SLC25A21: variants seen among roughly 807,000 people sequenced by gnomAD.
The protein encoded by SLC25A21 is solute carrier family 25 member 21, also known as mitochondrial 2-oxodicarboxylate carrier.
SLC25A21 carries 47 observed loss-of-function variants against 43.8 expected under a neutral mutation model. That is an observed-to-expected ratio of 1.07 (90% CI 0.85 to 1.37). SLC25A21 has a LOEUF of 1.37. Among genes scored for constraint, SLC25A21 ranks in the 40% most tolerant of loss-of-function variants. SLC25A21 has a pLI of 0.00. For missense variants in SLC25A21, 352 were observed against 350.2 expected, an observed-to-expected ratio of 1.00 and a Z score of -0.04; for synonymous variants, 131 against 121.3, an observed-to-expected ratio of 1.08 and a Z score of -0.52.
intron 1 of SLC25A21, among the ~76,000 whole-genome samples, chr14:37,044,573 C>T (rs1961547858): frequency 6.6e-6 from 1 of 152,078 alleles, no homozygotes; most frequent in African/African-American, 2.4e-5. Flanking sequence ...GAACTTCTGC[C>T]CCTCCTATAG....
chr14:36,853,001 A>G (rs945916009), intron 2 of SLC25A21, among the ~76,000 whole-genome samples: 25 of 130,976 alleles, frequency 1.9e-4, no homozygotes. Flanking sequence ...AAGTTGTGAC[A>G]TTACATTCTT....
intron 1 of SLC25A21, among the ~76,000 whole-genome samples, chr14:37,156,641 C>T (rs1317572613): frequency 6.6e-6 from 1 of 151,148 alleles, no homozygotes; most frequent in East Asian, 1.9e-4. Context: ...ATTATATCAG[C>T]TAAAACAGGC....
Position 37,067,376 on chromosome 14 carries a change from A to G in SLC25A21, c.70+104905T>C, listed in dbSNP as rs117491866. Among the ~76,000 whole-genome samples, 5 of 152,336 alleles carry G rather than the reference A, an allele frequency of 3.3e-5. No individual in the cohort carries two copies. The East Asian group carries it at 9.6e-4, about 29-fold the overall frequency. ...TTCACAAAAACAACAGCAAAAGCCA[A>G]AAGATGCTGTGAAATTATATACATA... On this transcript the variant is annotated intron_variant, in intron 1 of 9. Coordinates refer to ENST00000331299, the MANE Select transcript of SLC25A21 (RefSeq NM_030631.4).
intron 1 of SLC25A21, among the ~76,000 whole-genome samples, chr14:37,005,516 A>G (rs1960583217): frequency 2.0e-5 from 3 of 152,230 alleles, no homozygotes; most frequent in South Asian, 4.1e-4. Context: ...AAGGGTTTGT[A>G]CAAACTATAA....
At chr14:37,106,452 C>T (rs577479320) in intron 1 of SLC25A21, among the ~76,000 whole-genome samples, 38 of 152,144 alleles carry the variant, frequency 2.5e-4, no homozygotes, top group Admixed American at 2.1e-3. Context: ...ACCCTGGTCT[C>T]CTGCAGTACC....
intron 9 of SLC25A21, among the ~76,000 whole-genome samples, chr14:36,682,971 A>C (rs1882351088): frequency 6.6e-6 from 1 of 152,162 alleles, no homozygotes; most frequent in African/African-American, 2.4e-5. Context: ...TTTGTGTAGC[A>C]GGGTAGGAGG....
At chr14:36,749,413 T>C (rs747534912) in intron 3 of SLC25A21, among the ~76,000 whole-genome samples, 3 of 152,180 alleles carry the variant, frequency 2.0e-5, no homozygotes, top group Non-Finnish European at 4.4e-5. Context: ...GATCATATCT[T>C]ACTCTAAACA....
intron 1 of SLC25A21, among the ~76,000 whole-genome samples, chr14:36,904,480 A>C (rs150215316): frequency 6.8e-4 from 103 of 152,284 alleles, no homozygotes; most frequent in Non-Finnish European, 1.3e-3. Flanking sequence ...AAATATAACT[A>C]AGGAAGTTCT....
At chr14:36,718,773 T>C (rs1884254235) in intron 6 of SLC25A21, among the ~76,000 whole-genome samples, 1 of 152,222 alleles carries the variant, frequency 6.6e-6, no homozygotes, top group African/African-American at 2.4e-5. Flanking sequence ...AATCCCTATC[T>C]TTAAAGATTT....
At chr14:36,979,349 TTTTGTTTG>T (rs371510357) in intron 1 of SLC25A21, among the ~76,000 whole-genome samples, 54 of 146,212 alleles carry the variant, frequency 3.7e-4, no homozygotes, top group Non-Finnish European at 6.8e-4. Flanking sequence ...TTTTTACTGT[TTTTGTTTG>T]TTTGTTTGTT....
chr14:36,764,195 A>AAAG (rs1886310323), intron 3 of SLC25A21, among the ~76,000 whole-genome samples: 1 of 149,254 alleles, frequency 6.7e-6, no homozygotes, highest in Non-Finnish European at 1.5e-5. Context: ...AAAGAAAGAG[A>AAAG]AAGAAAGAAA....
At chr14:36,758,878 A>G (rs1485164623) in intron 3 of SLC25A21, among the ~76,000 whole-genome samples, 2 of 152,202 alleles carry the variant, frequency 1.3e-5, no homozygotes, top group Non-Finnish European at 2.9e-5. Flanking sequence ...ATCAAGTGTG[A>G]GTTACATTGA....
chr14:36,968,320 G>A (rs1250317431), intron 1 of SLC25A21, among the ~76,000 whole-genome samples: 2 of 152,106 alleles, frequency 1.3e-5, no homozygotes, highest in Non-Finnish European at 2.9e-5. Flanking sequence ...AGAGTGGGAG[G>A]TCCTGCTGAT....
intron 1 of SLC25A21, among the ~76,000 whole-genome samples, chr14:36,904,165 G>A (rs1030735105): frequency 2.6e-5 from 4 of 152,178 alleles, no homozygotes; most frequent in Non-Finnish European, 4.4e-5. Flanking sequence ...TGAGGGGGAC[G>A]CTATAGGCTT....
At chr14:37,016,143 C>T (rs1010831923) in intron 1 of SLC25A21, among the ~76,000 whole-genome samples, 83 of 152,190 alleles carry the variant, frequency 5.5e-4, no homozygotes, top group Admixed American at 1.1e-3. Flanking sequence ...ATGGTAATGC[C>T]TAGGTTTTCT....
chr14:37,026,298 A>G (rs976732659), intron 1 of SLC25A21, among the ~76,000 whole-genome samples: 1 of 152,168 alleles, frequency 6.6e-6, no homozygotes, highest in Non-Finnish European at 1.5e-5. Context: ...AGACATCACC[A>G]TAGTTCTCTG....
chr14:36,874,044 T>C (rs746131621), intron 2 of SLC25A21, among the ~76,000 whole-genome samples: 2 of 152,238 alleles, frequency 1.3e-5, no homozygotes, highest in Non-Finnish European at 2.9e-5. Flanking sequence ...CTATTAGAAA[T>C]GTAATATTAT....
chr14:36,683,738 A>C, intron 9 of SLC25A21, 90 bp downstream of exon 9: 3 of 901,700 alleles, frequency 3.3e-6, no homozygotes, highest in Non-Finnish European at 5.1e-6. Context: ...CAAAGTGGTA[A>C]ATATTTTGTT....
chr14:36,978,880 A>G (rs1391146971), intron 1 of SLC25A21, among the ~76,000 whole-genome samples: 2 of 152,138 alleles, frequency 1.3e-5, no homozygotes, highest in Non-Finnish European at 2.9e-5. Context: ...AAGTCTTCAA[A>G]AAAAGTTTAC....
Sources: allele counts gnomAD v4.1 joint callset (sites outside exome capture counted in the v4.1 genomes callset), GRCh38; gene constraint gnomAD v4.1.1; transcripts MANE v1.5; gene names NCBI Gene and HGNC (gene_info 2026-07-23, HGNC 2026-07-21).